The following HECTD4 variants were observed in gnomAD, a reference collection of about 807,000 sequenced individuals.
The protein encoded by HECTD4 is HECT domain E3 ubiquitin protein ligase 4.
Under a neutral mutation model 471.5 loss-of-function variants are expected in HECTD4, and 114 were observed. The ratio of observed to expected loss-of-function variants is 0.24; its 90% CI spans 0.21 to 0.28. The LOEUF (loss-of-function observed/expected upper bound fraction) is 0.28, where lower values mean the gene tolerates loss of function less well. Ranked by LOEUF, HECTD4 falls within the 10% of genes least tolerant of loss-of-function variation. The pLI, the probability that HECTD4 is intolerant of heterozygous loss-of-function variation, is 1.00. For missense variants in HECTD4, 3,866 were observed against 5,651.5 expected (o/e 0.68, Z 10.13); for synonymous variants, 2,012 against 2,256.0 (o/e 0.89, Z 3.07).
intron 44 of HECTD4, among the ~76,000 whole-genome samples, chr12:112,223,374 G>A (rs1953189015): frequency 6.6e-6 from 1 of 152,164 alleles, no homozygotes; most frequent in Non-Finnish European, 1.5e-5. Context: ...TTCCTCTGCT[G>A]TTTCAACCAA....
intron 28 of HECTD4, 37 bp downstream of exon 28, chr12:112,247,425 G>A (rs1181635669): frequency 3.0e-6 from 3 of 994,956 alleles, no homozygotes; most frequent in Non-Finnish European, 4.4e-6. Flanking sequence ...TGAGCATCAA[G>A]GTGATAATAG....
Position 112,171,185 on chromosome 12 carries a change from G to T in HECTD4, c.11864C>A (p.Pro3955His). The T allele has an allele frequency of 6.2e-7, 1 of 1,613,458 alleles. No individual in the cohort carries two copies. Among genetic ancestry groups the T allele is most frequent in the Non-Finnish European group, 8.5e-7 (1 of 1,179,728 alleles). ...LNTTLETFFL[P>H]LVELRQTPMY... ...GGGTGTCTGGCGCAGCTCCACCAGG[G>T]GCAGGAAGAAGGTCTCCAGTGTGGT... The change falls in exon 68 of 76, where the codon CCC becomes CAC. Residue 3955 changes from proline (P) to histidine (H), a missense_variant. By Grantham distance (77) the Pro-to-His change is moderately conservative. This residue lies in a region of HECTD4 where 715 missense variants were observed against 1,087.6 expected (regional missense o/e 0.66). Coordinates refer to ENST00000682272, the MANE Select transcript of HECTD4 (RefSeq NM_001388303.1).
At chr12:112,289,923 C>T (rs775310074) in intron 7 of HECTD4, among the ~76,000 whole-genome samples, 2 of 152,234 alleles carry the variant, frequency 1.3e-5, no homozygotes, top group African/African-American at 4.8e-5. Context: ...GTAATCCTCC[C>T]GCTTCGGCCT....
rs1478092115 is a variant in HECTD4 at position 112,182,904 on chromosome 12, G to A, written c.10987+155C>T. Reference sequence around the variant, plus strand: ...ACTCTCTGAATTGTTTTCAAAATCTGCAACCCAGGAGTAGCTGCCAAATTT... The same window carrying A: ...ACTCTCTGAATTGTTTTCAAAATCTACAACCCAGGAGTAGCTGCCAAATTT... On this transcript the variant is annotated intron_variant, in intron 62 of 75. Transcript: ENST00000682272. Among the ~76,000 whole-genome samples, 3 of 152,220 alleles carry A rather than the reference G, an allele frequency of 2.0e-5. 1 individual carries two copies. Among genetic ancestry groups the A allele is most frequent in the East Asian group, 3.8e-4 (2 of 5,202 alleles).
At chr12:112,247,879 T>C (rs2033795187) in intron 27 of HECTD4, among the ~76,000 whole-genome samples, 188 bp downstream of exon 27, 1 of 152,216 alleles carries the variant, frequency 6.6e-6, no homozygotes, top group African/African-American at 2.4e-5. Flanking sequence ...ATTATTTGTA[T>C]ACTGCATGTT....
intron 1 of HECTD4, among the ~76,000 whole-genome samples, chr12:112,361,319 C>T (rs528512697): frequency 6.6e-5 from 10 of 152,020 alleles, no homozygotes; most frequent in Non-Finnish European, 7.4e-5. Context: ...CTCACTCTGT[C>T]GCCCAGGCTT....
At chr12:112,167,691 C>T in intron 71 of HECTD4, 123 bp downstream of exon 71, 1 of 1,063,676 alleles carries the variant, frequency 9.4e-7, no homozygotes, top group Non-Finnish European at 1.4e-6. Context: ...AGGACCTGTC[C>T]CCACAGATTG....
intron 1 of HECTD4, chr12:112,322,347 G>T (rs1310608827): frequency 6.6e-6 from 1 of 152,104 alleles, no homozygotes; most frequent in African/African-American, 2.4e-5. Context: ...CTCCAGCCTG[G>T]GTGACAGGGG....
At chr12:112,215,945 T>C (rs2032906152) in intron 48 of HECTD4, among the ~76,000 whole-genome samples, 1 of 152,230 alleles carries the variant, frequency 6.6e-6, no homozygotes, top group Admixed American at 6.5e-5. Context: ...ATAAGGCACT[T>C]CTCCAGTGCC....
Position 112,163,026 on chromosome 12 carries a change from CA to C in HECTD4, c.13120+15del. ...AGTGTGTCCCTACTTGGGACATGGC[CA>C]GGGGAGGGCGGTACCTGCTGTGCCA... On this transcript the variant is annotated intron_variant, in intron 75 of 75. Coordinates refer to ENST00000682272, the MANE Select transcript of HECTD4 (RefSeq NM_001388303.1). This position sits in a 1 kb window ranked among gnomAD's most constrained non-coding sequence, Gnocchi z 8.2. 1.9e-6 allele frequency: 3 copies of C among 1,578,696 alleles called. No individual in the cohort carries two copies. Among genetic ancestry groups the C allele is most frequent in the Non-Finnish European group, 2.6e-6 (3 of 1,153,516 alleles).
chr12:112,350,157 T>C (rs1330192914), intron 1 of HECTD4, among the ~76,000 whole-genome samples: 2 of 152,100 alleles, frequency 1.3e-5, no homozygotes, highest in Non-Finnish European at 2.9e-5. Flanking sequence ...GTTCTTGCCA[T>C]GTTGCCTAGG....
intron 38 of HECTD4, among the ~76,000 whole-genome samples, chr12:112,232,621 T>C (rs908481737): frequency 1.3e-5 from 2 of 152,210 alleles, no homozygotes; most frequent in African/African-American, 4.8e-5. Context: ...TGAGCCTGGG[T>C]ATATTTTTAT....
chr12:112,192,717 G>A lies in HECTD4; in HGVS notation c.9135C>T (p.Leu3045=), dbSNP rs775434958. 8.1e-6 allele frequency: 13 copies of A among 1,598,756 alleles called. No homozygotes were observed. The highest frequency in any genetic ancestry group is 7.0e-5 in the Admixed American group (4 of 57,332). Residue 3045 remains leucine (L), a synonymous_variant, in exon 59 of 76, where the codon CTC becomes CTT. Coordinates refer to ENST00000682272, the MANE Select transcript of HECTD4 (RefSeq NM_001388303.1). ...APWARVLVYG[L]GHKVKRNGQL... ...GGCCATTTCGCTTCACTTTGTGGCC[G>A]AGGCCATATACGAGCACCCGTGCCC...
chr12:112,185,392 G>A lies in HECTD4; in HGVS notation c.9574C>T (p.Arg3192Trp), dbSNP rs1433028647. The change falls in exon 61 of 76, where the codon CGG (arginine) becomes TGG (tryptophan). Residue 3192 changes from arginine to tryptophan, a missense_variant. Coordinates refer to ENST00000682272, the MANE Select transcript of HECTD4 (RefSeq NM_001388303.1). ...GAGGAGGACAGGCCAGCGGGGTGCCGCCTCTGCTCCAGGGTGTGCACCGTG... is the reference window on the plus strand; with the variant it reads ...GAGGAGGACAGGCCAGCGGGGTGCCACCTCTGCTCCAGGGTGTGCACCGTG... The part of the protein sequence containing the change: ...LRTVHTLEQR[R>W]HPAGLSSSIA... 20 of 1,612,476 alleles carry A rather than the reference G, an allele frequency of 1.2e-5. No homozygotes were observed. Among genetic ancestry groups the A allele is most frequent in the Non-Finnish European group, 1.6e-5 (19 of 1,179,524 alleles).
chr12:112,301,953 T>C (rs1280626879), intron 7 of HECTD4: 3 of 871,030 alleles, frequency 3.4e-6, no homozygotes, highest in Non-Finnish European at 3.8e-6. Flanking sequence ...CCCAAGATAT[T>C]GCCTCCCCAG....
At chr12:112,259,016 G>T in intron 19 of HECTD4, 96 bp downstream of exon 19, 1 of 1,084,078 alleles carries the variant, frequency 9.2e-7, no homozygotes, top group Non-Finnish European at 1.3e-6. Context: ...CTGAAAGGCA[G>T]GATTATGTTT....
At chr12:112,217,535 G>T (rs1490625675) in intron 45 of HECTD4, among the ~76,000 whole-genome samples, 1 of 152,094 alleles carries the variant, frequency 6.6e-6, no homozygotes, top group Non-Finnish European at 1.5e-5. Context: ...TGTATTTTTT[G>T]TAAAGATGAG....
intron 13 of HECTD4, among the ~76,000 whole-genome samples, chr12:112,268,740 G>C (rs1441307628): frequency 1.4e-5 from 2 of 145,014 alleles, no homozygotes; most frequent in African/African-American, 5.1e-5. Flanking sequence ...TGGGCAACAA[G>C]AGTGAAACTC....
intron 72 of HECTD4, among the ~76,000 whole-genome samples, chr12:112,164,750 T>TA (rs1020136455): frequency 5.4e-5 from 8 of 148,686 alleles, no homozygotes; most frequent in Non-Finnish European, 1.5e-5. Flanking sequence ...GCCTCCCGAG[T>TA]AGCTGGGATT....
Sources: gnomAD v4.1 joint callset for allele counts (sites outside exome capture counted in the v4.1 genomes callset) on GRCh38, gnomAD v4.1.1 for gene constraint, gnomAD v4.1.1 regional missense constraint, Gnocchi (gnomAD v3.1) non-coding constraint, MANE v1.5 for transcripts, NCBI Gene and HGNC (gene_info 2026-07-23, HGNC 2026-07-21) for gene names.